Variants in NRG3 observed in about 807,000 individuals in gnomAD.
NRG3 encodes the protein pro-neuregulin-3, membrane-bound isoform.
Under a neutral mutation model 66.9 loss-of-function variants are expected in NRG3, and 31 were observed. The ratio of observed to expected loss-of-function variants is 0.46; its 90% CI spans 0.35 to 0.63. The LOEUF (loss-of-function observed/expected upper bound fraction) is 0.63, where lower values mean the gene tolerates loss of function less well. NRG3 is among the 20% of genes least tolerant of loss of function. The pLI is 0.00. For missense variants in NRG3, 910 were observed against 878.9 expected, an observed-to-expected ratio of 1.04 and a Z score of -0.45; for synonymous variants, 393 against 359.4, an observed-to-expected ratio of 1.09 and a Z score of -1.06.
intron 2 of NRG3, among the ~76,000 whole-genome samples, chr10:82,407,956 C>T (rs967812789): frequency 2.3e-4 from 34 of 150,502 alleles, no homozygotes; most frequent in Non-Finnish European, 4.4e-4. Context: ...CTAGTGCCAG[C>T]TACTCAGGAG....
intron 2 of NRG3, among the ~76,000 whole-genome samples, chr10:82,466,967 C>T (rs564245144): frequency 5.3e-5 from 8 of 151,146 alleles, no homozygotes; most frequent in African/African-American, 1.7e-4. Flanking sequence ...CAGGCGAAGG[C>T]GGGTGGACAG....
intron 2 of NRG3, among the ~76,000 whole-genome samples, chr10:82,633,333 T>A (rs751849519): frequency 6.6e-6 from 1 of 152,298 alleles, no homozygotes; most frequent in Non-Finnish European, 1.5e-5. Flanking sequence ...GGGTCCATCA[T>A]CATCATAAAC....
chr10:82,804,934 C>T (rs2061216621), intron 3 of NRG3, among the ~76,000 whole-genome samples: 1 of 152,196 alleles, frequency 6.6e-6, no homozygotes, highest in African/African-American at 2.4e-5. Context: ...AATTAGCTTT[C>T]TGCTATAAGA....
At chr10:82,068,026 T>A (rs2064586736) in intron 1 of NRG3, among the ~76,000 whole-genome samples, 1 of 152,240 alleles carries the variant, frequency 6.6e-6, no homozygotes. Flanking sequence ...CTGTAAGTAA[T>A]GATCTTGAAC....
At chr10:82,559,059 A>G (rs2044852622) in intron 2 of NRG3, among the ~76,000 whole-genome samples, 1 of 152,202 alleles carries the variant, frequency 6.6e-6, no homozygotes, top group African/African-American at 2.4e-5. Context: ...GTGCATATGC[A>G]TATTTTTGTA....
At chr10:82,451,467 A>G (rs2091014579) in intron 2 of NRG3, among the ~76,000 whole-genome samples, 1 of 152,158 alleles carries the variant, frequency 6.6e-6, no homozygotes, top group East Asian at 1.9e-4. Flanking sequence ...TTAACATTAG[A>G]AAATTTATCT....
At chr10:82,263,971 G>A (rs2078166823) in intron 1 of NRG3, among the ~76,000 whole-genome samples, 1 of 152,152 alleles carries the variant, frequency 6.6e-6, no homozygotes, top group South Asian at 2.1e-4. Flanking sequence ...ACTCAGAGGG[G>A]CTTTGTTTAT....
intron 2 of NRG3, among the ~76,000 whole-genome samples, chr10:82,512,063 G>T (rs1845226793): frequency 6.6e-6 from 1 of 151,806 alleles, no homozygotes; most frequent in South Asian, 2.1e-4. Flanking sequence ...TAATTTTCTG[G>T]TATATTTTCT....
At chr10:82,314,540 G>C (rs976656914) in intron 1 of NRG3, among the ~76,000 whole-genome samples, 15 of 152,158 alleles carry the variant, frequency 9.9e-5, no homozygotes, top group Admixed American at 7.9e-4. Flanking sequence ...CAGGCACAGT[G>C]GCTCACGTCT....
At chr10:82,155,048 T>C (rs888125290) in intron 1 of NRG3, among the ~76,000 whole-genome samples, 3 of 151,894 alleles carry the variant, frequency 2.0e-5, no homozygotes, top group African/African-American at 7.2e-5. Flanking sequence ...TATAAATTTA[T>C]TGACTGCTCT....
chr10:81,927,118 G>A (rs932312974), intron 1 of NRG3, among the ~76,000 whole-genome samples: 10 of 152,076 alleles, frequency 6.6e-5, no homozygotes, highest in Non-Finnish European at 1.2e-4. Context: ...TGGGTCAATG[G>A]CAATTCTTCT....
At chr10:82,141,607 G>A (rs1234725344) in intron 1 of NRG3, among the ~76,000 whole-genome samples, 1 of 151,892 alleles carries the variant, frequency 6.6e-6, no homozygotes, top group Non-Finnish European at 1.5e-5. Context: ...AAGCAGCATT[G>A]TAGTATCAGC....
intron 1 of NRG3, among the ~76,000 whole-genome samples, chr10:81,975,317 CTATCTAT>C (rs2060079177): frequency 1.3e-4 from 1 of 7,470 alleles, no homozygotes; most frequent in East Asian, 2.0e-3. Context: ...TGTGTAACAT[CTATCTAT>C]CTATCTATCT....
intron 4 of NRG3, among the ~76,000 whole-genome samples, chr10:82,911,309 A>G (rs1660567418): frequency 2.0e-5 from 3 of 152,086 alleles, no homozygotes; most frequent in African/African-American, 7.2e-5. Flanking sequence ...AAAAAAATCT[A>G]AAATTTTAAT....
chr10:82,507,818 G>C (rs753258461), intron 2 of NRG3, among the ~76,000 whole-genome samples: 98 of 152,190 alleles, frequency 6.4e-4, no homozygotes, highest in Non-Finnish European at 9.3e-4. Flanking sequence ...AGTAGTGACT[G>C]TTTGAATTAA....
intron 2 of NRG3, among the ~76,000 whole-genome samples, chr10:82,488,034 A>G (rs1842826304): frequency 6.6e-6 from 1 of 152,220 alleles, no homozygotes; most frequent in Admixed American, 6.5e-5. Context: ...TATTGAAAAT[A>G]AGAAAATTTA....
At chr10:82,617,440 A>C (rs1459605287) in intron 2 of NRG3, among the ~76,000 whole-genome samples, 1 of 152,070 alleles carries the variant, frequency 6.6e-6, no homozygotes, top group East Asian at 1.9e-4. Flanking sequence ...CATGGAGAAA[A>C]GGGGAGTCTG....
At chr10:82,650,326 T>C (rs983502376) in intron 2 of NRG3, among the ~76,000 whole-genome samples, 1 of 152,246 alleles carries the variant, frequency 6.6e-6, no homozygotes, top group Non-Finnish European at 1.5e-5. Context: ...TGGGCTATGC[T>C]TGCAGCTTCC....
chr10:82,897,740 G>A (rs1018816196), intron 4 of NRG3, among the ~76,000 whole-genome samples: 3 of 151,952 alleles, frequency 2.0e-5, no homozygotes, highest in Non-Finnish European at 1.5e-5. Flanking sequence ...GACTGGTCTC[G>A]AACTCCAGAC....
Sources: gnomAD v4.1 joint callset for allele counts (sites outside exome capture counted in the v4.1 genomes callset) on GRCh38, gnomAD v4.1.1 for gene constraint, MANE v1.5 for transcripts, NCBI Gene and HGNC (gene_info 2026-07-23, HGNC 2026-07-21) for gene names.